ROBO2: variants seen among roughly 807,000 people sequenced by gnomAD.
ROBO2 encodes the protein roundabout homolog 2.
A neutral mutation model predicts 160.8 loss-of-function variants in ROBO2; 53 were observed. The observed-to-expected ratio is 0.33, with a 90% CI of 0.26 to 0.41. The LOEUF is 0.41. Ranked by LOEUF, ROBO2 falls within the 10% of genes least tolerant of loss-of-function variation. ROBO2 has a pLI of 1.00. For missense variants in ROBO2, 1,577 were observed against 1,722.4 expected (o/e 0.92, Z 1.49); for synonymous variants, 664 against 611.7 (o/e 1.09, Z -1.26).
chr3:77,507,275 A>G (rs1395405610), intron 5 of ROBO2, among the ~76,000 whole-genome samples: 1 of 152,312 alleles, frequency 6.6e-6, no homozygotes, highest in East Asian at 1.9e-4. Context: ...TGAATCTTCC[A>G]CAGCATCTCG....
At chr3:76,771,822 T>G (rs569246901) in intron 2 of ROBO2, among the ~76,000 whole-genome samples, 161 of 151,452 alleles carry the variant, frequency 1.1e-3, no homozygotes, top group African/African-American at 3.5e-3. Context: ...CTTTTGAAAC[T>G]TAAGGAATTT....
intron 2 of ROBO2, among the ~76,000 whole-genome samples, chr3:77,130,083 A>C (rs1339530878): frequency 2.0e-5 from 3 of 152,120 alleles, no homozygotes; most frequent in Non-Finnish European, 4.4e-5. Context: ...AATTTGCTTC[A>C]ACTGTTAAAC....
intron 2 of ROBO2, among the ~76,000 whole-genome samples, chr3:77,269,881 G>A (rs2153352510): frequency 6.6e-6 from 1 of 152,102 alleles, no homozygotes. Context: ...TCTAGAATGT[G>A]TTGTTTCTTT....
intron 2 of ROBO2, among the ~76,000 whole-genome samples, chr3:77,340,138 G>A (rs536302102): frequency 2.9e-4 from 44 of 152,090 alleles, no homozygotes; most frequent in South Asian, 1.5e-3. Context: ...TGCTCAATTC[G>A]TATTAGCTAT....
chr3:77,528,303 T>C (rs2091353311), intron 6 of ROBO2, among the ~76,000 whole-genome samples: 1 of 151,638 alleles, frequency 6.6e-6, no homozygotes, highest in Admixed American at 6.6e-5. Flanking sequence ...AAAAAGGTAC[T>C]TTAATAACAA....
At position 77,054,180 on chromosome 3, in the gene ROBO2, G is replaced by A. The variant is rs2065491030; in HGVS notation, c.61+13334G>A. 3.3e-5 allele frequency among the ~76,000 whole-genome samples: 5 copies of A among 152,110 alleles called. No individual in the cohort carries two copies. In the South Asian group the frequency reaches 1.0e-3, roughly 31 times the overall value. On this transcript the variant is annotated intron_variant, in intron 1 of 25. Coordinates refer to ENST00000461745, the Ensembl canonical transcript of ROBO2. ...AGTTCAAGTAGTTCCTTTTTAGAGT[G>A]AATATAGCATCTTCAAAACCAAGAC...
At chr3:77,138,220 A>G (rs950758687) in intron 2 of ROBO2, among the ~76,000 whole-genome samples, 4 of 152,228 alleles carry the variant, frequency 2.6e-5, no homozygotes, top group African/African-American at 9.6e-5. Context: ...AATGAAACCC[A>G]TCACAGTCTA....
intron 2 of ROBO2, among the ~76,000 whole-genome samples, chr3:77,120,858 C>G (rs764828855): frequency 8.5e-5 from 13 of 152,154 alleles, no homozygotes; most frequent in Non-Finnish European, 1.8e-4. Flanking sequence ...CTTTGTTTAC[C>G]ATACTCCTTA....
intron 2 of ROBO2, among the ~76,000 whole-genome samples, chr3:75,977,883 G>A (rs1424380332): frequency 6.6e-6 from 1 of 151,474 alleles, no homozygotes; most frequent in African/African-American, 2.4e-5. Flanking sequence ...TGAAAACAAT[G>A]AGTAAATTAT....
At chr3:76,717,809 C>T (rs2093405805) in intron 2 of ROBO2, among the ~76,000 whole-genome samples, 2 of 149,408 alleles carry the variant, frequency 1.3e-5, no homozygotes, top group Admixed American at 6.6e-5. Flanking sequence ...GCAAGATTTG[C>T]TTGGCCATAA....
intron 2 of ROBO2, among the ~76,000 whole-genome samples, chr3:76,058,562 A>G (rs1354379177): frequency 6.8e-6 from 1 of 147,562 alleles, no homozygotes; most frequent in Non-Finnish European, 1.5e-5. Flanking sequence ...GTTGCACATG[A>G]ACTATCACAC....
rs568966064 is a variant in ROBO2, at chr3:77,008,240, G to A, written c.110-89774G>A. ...CAACCCCATTCAAATTAAATTAAAT[G>A]TGGTCTGTGTAATTGGTGTTACAAA... is the stretch of plus-strand genomic sequence containing the variant. On this transcript the variant is annotated intron_variant, in intron 2 of 26. Coordinates refer to the ROBO2 transcript ENST00000487694. Among the ~76,000 whole-genome samples, 165 of 152,206 alleles carry A rather than the reference G, an allele frequency of 1.1e-3. 1 individual carries two copies. Among genetic ancestry groups the A allele is most frequent in the Admixed American group, 4.8e-3 (74 of 15,284 alleles).
At chr3:76,722,357 T>A (rs1433642335) in intron 2 of ROBO2, among the ~76,000 whole-genome samples, 1 of 152,086 alleles carries the variant, frequency 6.6e-6, no homozygotes, top group Non-Finnish European at 1.5e-5. Flanking sequence ...CCTGACCTCA[T>A]GATCCGCCCT....
chr3:76,445,215 T>C (rs2077117208), intron 2 of ROBO2, among the ~76,000 whole-genome samples: 1 of 152,172 alleles, frequency 6.6e-6, no homozygotes, highest in South Asian at 2.1e-4. Flanking sequence ...ATTAACTTTC[T>C]GAAAGTATAA....
chr3:76,108,042 T>C (rs1482309511), intron 2 of ROBO2, among the ~76,000 whole-genome samples: 1 of 152,068 alleles, frequency 6.6e-6, no homozygotes, highest in Non-Finnish European at 1.5e-5. Flanking sequence ...TGTATTATAT[T>C]AGAAAGAATA....
chr3:77,162,321 T>C (rs1443648594), intron 2 of ROBO2, among the ~76,000 whole-genome samples: 1 of 152,250 alleles, frequency 6.6e-6, no homozygotes, highest in African/African-American at 2.4e-5. Context: ...TTTAAATATA[T>C]AATTCTGAAT....
intron 2 of ROBO2, among the ~76,000 whole-genome samples, chr3:77,369,915 A>G (rs144277819): frequency 7.9e-5 from 12 of 152,298 alleles, no homozygotes; most frequent in African/African-American, 2.9e-4. Context: ...AAAGTCATCC[A>G]CACATAGTGA....
chr3:76,931,556 T>C (rs7431896), intron 2 of ROBO2, among the ~76,000 whole-genome samples: 66,389 of 150,252 alleles, frequency 0.44, 14,756 homozygotes, highest in African/African-American at 0.51. Flanking sequence ...ATAAGACACA[T>C]ACACACACAC....
intron 2 of ROBO2, among the ~76,000 whole-genome samples, chr3:76,602,966 C>G (rs191856650): frequency 2.6e-5 from 4 of 152,256 alleles, no homozygotes; most frequent in Admixed American, 6.5e-5. Context: ...TCCTCTCTAA[C>G]GTGCTCTCAA....
Sources: allele counts gnomAD v4.1 joint callset (sites outside exome capture counted in the v4.1 genomes callset), GRCh38; gene constraint gnomAD v4.1.1; transcripts MANE v1.5; gene names NCBI Gene and HGNC (gene_info 2026-07-23, HGNC 2026-07-21).